The following TCOF1 variants were observed in gnomAD, a reference collection of about 807,000 sequenced individuals.
TCOF1 encodes the protein treacle protein.
TCOF1 carries 33 observed loss-of-function variants against 149.0 expected under a neutral mutation model. The ratio of observed to expected loss-of-function variants is 0.22; its 90% CI spans 0.17 to 0.30. TCOF1 has a LOEUF of 0.30. TCOF1 is among the 10% of genes least tolerant of loss of function. The pLI is 1.00. For missense variants in TCOF1, 1,728 were observed against 1,840.7 expected (o/e 0.94, Z 1.12); for synonymous variants, 789 against 738.8 (o/e 1.07, Z -1.10).
intron 25 of TCOF1, among the ~76,000 whole-genome samples, chr5:150,398,661 T>C (rs1581235700): frequency 6.6e-6 from 1 of 152,130 alleles, no homozygotes. Context: ...TAGAAGGGTG[T>C]TGGGGAAGGA....
chr5:150,383,816 C>T (rs1765732037), intron 17 of TCOF1: 1 of 1,551,524 alleles, frequency 6.4e-7, no homozygotes, highest in African/African-American at 1.4e-5. Flanking sequence ...TCATGTGCTC[C>T]ACTGCACCCA....
intron 3 of TCOF1, among the ~76,000 whole-genome samples, chr5:150,367,159 G>A (rs1263763466): frequency 2.0e-5 from 3 of 151,986 alleles, no homozygotes; most frequent in Admixed American, 2.0e-4. Context: ...CAAAAAATTA[G>A]CCAGGCATGG....
intron 2 of TCOF1, 126 bp from the exon 3 acceptor site, chr5:150,363,987 A>G: frequency 7.1e-7 from 1 of 1,412,346 alleles, no homozygotes; most frequent in South Asian, 1.2e-5. Flanking sequence ...CTGTGTTTTC[A>G]CCACTGTTTA....
At chr5:150,389,082 T>C (rs978019675) in intron 18 of TCOF1, among the ~76,000 whole-genome samples, 3 of 152,170 alleles carry the variant, frequency 2.0e-5, no homozygotes, top group East Asian at 1.9e-4. Context: ...TCTCTACCTA[T>C]CTACCTACCT....
intron 6 of TCOF1, 123 bp from the exon 7 acceptor site, chr5:150,371,883 G>A: frequency 2.3e-6 from 2 of 859,978 alleles, no homozygotes; most frequent in South Asian, 2.9e-5. Flanking sequence ...CCGTCTCAGG[G>A]AGTTGCTTAA....
rs1051840639 is a variant in TCOF1, at chr5:150,390,018, A to G, written c.3178A>G (p.Thr1060Ala). The G allele has an allele frequency of 1.2e-6, 2 of 1,609,500 alleles. No homozygotes were observed. The highest frequency in any genetic ancestry group is 1.7e-6 in the Non-Finnish European group (2 of 1,177,856). Reference protein sequence around the residue: ...SDGKKQEGPATQVSKKNPASL... With the variant: ...SDGKKQEGPAAQVSKKNPASL... ...TGGCAAGAAACAGGAGGGACCAGCC[A>G]CTCAGGTACCTGGTGGGCAAGGGAG... Residue 1060 changes from threonine (T) to alanine (A), a missense_variant, in exon 19 of 27, where the codon ACT becomes GCT. Physicochemically the swap from Thr to Ala is moderately conservative, Grantham distance 58. Around this residue, in one of 2 missense-constraint regions of TCOF1, gnomAD observed 1,696 missense variants for 1,765.4 expected, o/e 0.96. Coordinates refer to ENST00000643257, the MANE Select transcript of TCOF1 (RefSeq NM_001371623.1).
intron 17 of TCOF1, among the ~76,000 whole-genome samples, chr5:150,382,494 G>A (rs1765431936): frequency 6.6e-6 from 1 of 152,236 alleles, no homozygotes; most frequent in South Asian, 2.1e-4. Context: ...TGGCTAGGCT[G>A]AGTAGGGAAA....
chr5:150,363,908 G>A (rs1415303312), intron 2 of TCOF1, among the ~76,000 whole-genome samples: 1 of 152,232 alleles, frequency 6.6e-6, no homozygotes, highest in East Asian at 1.9e-4. Flanking sequence ...TTATTTTAAA[G>A]ACTAATCAAG....
Position 150,369,620 on chromosome 5 carries a change from C to G in TCOF1, c.639+18C>G, listed in dbSNP as rs370965325. ...ACGTGGAGGTAATTGCCACCCATCCCTAGGAGTTGCCCTCTCCCAGCCTCT... is the reference window on the plus strand; with the variant it reads ...ACGTGGAGGTAATTGCCACCCATCCGTAGGAGTTGCCCTCTCCCAGCCTCT... On this transcript the variant is annotated intron_variant, in intron 6 of 26. Coordinates refer to ENST00000643257, the MANE Select transcript of TCOF1 (RefSeq NM_001371623.1). 211 of 1,613,740 alleles carry G rather than the reference C, an allele frequency of 1.3e-4. No homozygotes were observed. The highest frequency in any genetic ancestry group is 1.7e-4 in the Non-Finnish European group (203 of 1,179,930).
At chr5:150,391,420 C>G in intron 19 of TCOF1, 124 bp from the exon 20 acceptor site, 1 of 851,620 alleles carries the variant, frequency 1.2e-6, no homozygotes, top group Admixed American at 1.8e-5. Flanking sequence ...CAGTTTTGCC[C>G]CTTTGACTGC....
chr5:150,396,241 C>CA, intron 23 of TCOF1, 41 bp from the exon 24 acceptor site: 1 of 1,607,582 alleles, frequency 6.2e-7, no homozygotes, highest in Non-Finnish European at 8.5e-7. Context: ...ATCTGTCCCC[C>CA]AACTCTCCCA....
intron 14 of TCOF1, among the ~76,000 whole-genome samples, chr5:150,377,445 C>T (rs1366578157): frequency 6.6e-6 from 1 of 152,214 alleles, no homozygotes; most frequent in Admixed American, 6.5e-5. Context: ...AGTGAGGTCT[C>T]CAAGCCTGGA....
intron 14 of TCOF1, among the ~76,000 whole-genome samples, chr5:150,377,542 A>G (rs1395264525): frequency 6.6e-6 from 1 of 151,892 alleles, no homozygotes; most frequent in Non-Finnish European, 1.5e-5. Context: ...TTCTGTAACC[A>G]CTCAGAAATT....
intron 5 of TCOF1, 149 bp downstream of exon 5, chr5:150,369,051 C>A (rs748234526): frequency 1.7e-4 from 177 of 1,070,704 alleles, no homozygotes; most frequent in Non-Finnish European, 2.2e-4. Context: ...CTTTTCTCAT[C>A]ACCTAGACGA....
At chr5:150,382,280 G>A (rs1267186029) in intron 17 of TCOF1, among the ~76,000 whole-genome samples, 1 of 152,320 alleles carries the variant, frequency 6.6e-6, no homozygotes, top group East Asian at 1.9e-4. Context: ...TGGGAGGAGG[G>A]CCCACCCTCC....
intron 25 of TCOF1, 21 bp from the exon 26 acceptor site, chr5:150,399,001 C>T (rs1313896383): frequency 6.2e-7 from 1 of 1,614,234 alleles, no homozygotes; most frequent in South Asian, 1.1e-5. Flanking sequence ...CTGAGAGCCT[C>T]TCGTACTTCC....
chr5:150,376,691 C>G (rs1763884299), intron 14 of TCOF1, 71 bp downstream of exon 14: 1 of 1,493,538 alleles, frequency 6.7e-7, no homozygotes, highest in Non-Finnish European at 9.1e-7. Context: ...ATGGGCTTGA[C>G]TGGGGGCTAG....
chr5:150,385,927 T>A (rs930374975), intron 17 of TCOF1, among the ~76,000 whole-genome samples: 2 of 152,200 alleles, frequency 1.3e-5, no homozygotes, highest in Non-Finnish European at 2.9e-5. Flanking sequence ...CTTTCCAGTT[T>A]CCACAGTGCA....
At chr5:150,399,697 A>C (rs1384557120) in intron 26 of TCOF1, 113 bp from the exon 27 acceptor site, 1 of 155,474 alleles carries the variant, frequency 6.4e-6, no homozygotes, top group East Asian at 1.9e-4. Flanking sequence ...AGTGCTAAAA[A>C]ATGTCCACTG....
Sources: gnomAD v4.1 joint callset for allele counts (sites outside exome capture counted in the v4.1 genomes callset) on GRCh38, gnomAD v4.1.1 for gene constraint, gnomAD v4.1.1 regional missense constraint, MANE v1.5 for transcripts, NCBI Gene and HGNC (gene_info 2026-07-23, HGNC 2026-07-21) for gene names.